The following KIRREL3 variants were observed in gnomAD, a reference collection of about 807,000 sequenced individuals.
KIRREL3 encodes kin of IRRE-like protein 3.
KIRREL3 carries 36 observed loss-of-function variants against 89.7 expected under a neutral mutation model. That is an observed-to-expected ratio of 0.40 (90% CI 0.31 to 0.53). The LOEUF is 0.53. KIRREL3 is among the 20% of genes least tolerant of loss of function. The pLI, the probability that KIRREL3 is intolerant of heterozygous loss-of-function variation, is 0.49. For synonymous variants in KIRREL3, 445 were observed against 441.4 expected (o/e 1.01, Z -0.10); for missense variants, 864 against 1,056.6 (o/e 0.82, Z 2.53).
chr11:127,000,574 G>C lies in KIRREL3; in HGVS notation c.-65C>G. 1 of 1,528,816 alleles carries C rather than the reference G, an allele frequency of 6.5e-7. No individual in the cohort carries two copies. The highest frequency in any genetic ancestry group is 8.9e-7 in the Non-Finnish European group (1 of 1,125,950). The allele number at this position is 1,528,816 out of a possible 1,614,324, so 94.7% of individuals were successfully genotyped here. ...CTGTGGTTAGTTTCTCTTCCTTGGC[G>C]GCTCTCGGTGCTCAGCCTCCGCCGG... On this transcript the variant is annotated 5_prime_UTR_variant, in exon 1 of 17. Transcript: ENST00000525144. The surrounding 1 kb of genome is among the most constrained non-coding windows in gnomAD (Gnocchi z 7.1).
Position 126,985,554 on chromosome 11 carries a change from T to G in KIRREL3, c.55+14901A>C, listed in dbSNP as rs1199148627. The stretch of plus-strand genomic sequence containing the variant: ...GGCAAAAGGAGCTGAGTCTTTAGGG[T>G]AGAAGTTATCTAGACTAACCTGGGG... On this transcript the variant is annotated intron_variant, in intron 1 of 16. Coordinates refer to ENST00000525144, the MANE Select transcript of KIRREL3 (RefSeq NM_032531.4). This position sits in a 1 kb window ranked among gnomAD's most constrained non-coding sequence, Gnocchi z 5.3. Among the ~76,000 whole-genome samples, 1 of 151,892 alleles carries G rather than the reference T, an allele frequency of 6.6e-6. No homozygotes were observed. The highest frequency in any genetic ancestry group is 6.5e-5 in the Admixed American group (1 of 15,270).
chr11:126,959,410 CCTGACTCTTA>C (rs1200205448), intron 1 of KIRREL3, among the ~76,000 whole-genome samples: 1 of 152,120 alleles, frequency 6.6e-6, no homozygotes, highest in African/African-American at 2.4e-5. Flanking sequence ...TCTGGAAACC[CCTGACTCTTA>C]TACCCCTAAA....
intron 4 of KIRREL3, among the ~76,000 whole-genome samples, chr11:126,517,651 G>T (rs1043063603): frequency 6.6e-6 from 1 of 152,130 alleles, no homozygotes; most frequent in Non-Finnish European, 1.5e-5. Flanking sequence ...TCTAAGCCTC[G>T]GTCACTGCGC....
At chr11:126,741,112 A>G (rs1398002888) in intron 1 of KIRREL3, among the ~76,000 whole-genome samples, 1 of 152,202 alleles carries the variant, frequency 6.6e-6, no homozygotes, top group Non-Finnish European at 1.5e-5. Flanking sequence ...AATTCAGGTC[A>G]AAGACAGACT....
intron 8 of KIRREL3, among the ~76,000 whole-genome samples, chr11:126,448,649 TTC>T (rs1356831797): frequency 3.9e-5 from 6 of 152,142 alleles, no homozygotes. Flanking sequence ...AAGAGCTTGC[TTC>T]TCTCTTTCTC....
intron 1 of KIRREL3, among the ~76,000 whole-genome samples, chr11:126,834,248 T>C (rs1292751356): frequency 6.6e-6 from 1 of 152,194 alleles, no homozygotes; most frequent in Non-Finnish European, 1.5e-5. Context: ...GAGGTTGTCA[T>C]AGGTCATTTG....
chr11:126,966,305 G>A (rs746668826), intron 1 of KIRREL3, among the ~76,000 whole-genome samples: 2 of 152,196 alleles, frequency 1.3e-5, no homozygotes, highest in African/African-American at 4.8e-5. Flanking sequence ...GCAGGCTGGA[G>A]ATGAAAAGAT....
At chr11:126,930,732 C>T (rs897924238) in intron 1 of KIRREL3, among the ~76,000 whole-genome samples, 5 of 152,150 alleles carry the variant, frequency 3.3e-5, no homozygotes, top group African/African-American at 1.2e-4. Context: ...CCCCCAACCC[C>T]CTCCATATCC....
chr11:126,946,361 C>T lies in KIRREL3; in HGVS notation c.55+54094G>A, dbSNP rs1948619745. 6.6e-6 allele frequency among the ~76,000 whole-genome samples: 1 copy of T among 152,160 alleles called. No individual in the cohort carries two copies. Among genetic ancestry groups the T allele is most frequent in the Non-Finnish European group, 1.5e-5 (1 of 68,036 alleles). On this transcript the variant is annotated intron_variant, in intron 1 of 16. Transcript: ENST00000525144. The surrounding 1 kb of genome is among the most constrained non-coding windows in gnomAD (Gnocchi z 4.1). Reference sequence around the variant, plus strand: ...GCCACCATACTGGGAGTTGCAAGACCTGGTTTGGTCCTCATGCATTGGATC... The same window carrying T: ...GCCACCATACTGGGAGTTGCAAGACTTGGTTTGGTCCTCATGCATTGGATC...
chr11:126,596,683 G>T (rs1942413588), intron 1 of KIRREL3, among the ~76,000 whole-genome samples: 1 of 152,194 alleles, frequency 6.6e-6, no homozygotes, highest in Admixed American at 6.5e-5. Context: ...TCTCTGTGTG[G>T]AGCTCTACAT....
rs1270410768 is a variant in KIRREL3 at position 126,723,066 on chromosome 11, C to T, written c.56-160154G>A. ...GTCTTCTGTGGCTGCACATAGTGTA[C>T]GGTAGGTATTGCGGTATTTGACACA... On this transcript the variant is annotated intron_variant, in intron 1 of 16. Transcript: ENST00000525144. The surrounding 1 kb of genome is among the most constrained non-coding windows in gnomAD (Gnocchi z 4.0). 2.6e-5 allele frequency among the ~76,000 whole-genome samples: 4 copies of T among 152,270 alleles called. No individual in the cohort carries two copies. Among genetic ancestry groups the T allele is most frequent in the South Asian group, 4.1e-4 (2 of 4,826 alleles).
intron 9 of KIRREL3, among the ~76,000 whole-genome samples, chr11:126,446,498 C>T (rs1955819841): frequency 6.6e-6 from 1 of 152,170 alleles, no homozygotes; most frequent in African/African-American, 2.4e-5. Context: ...CCTTCCCTCC[C>T]AGCACATTGG....
intron 1 of KIRREL3, among the ~76,000 whole-genome samples, chr11:126,850,544 C>T (rs1020246051): frequency 2.6e-5 from 4 of 152,210 alleles, no homozygotes; most frequent in Admixed American, 2.6e-4. Flanking sequence ...TCTTTTTTAA[C>T]ACTTTGCTTC....
chr11:126,591,809 C>G (rs1361514217), intron 1 of KIRREL3, among the ~76,000 whole-genome samples: 3 of 152,176 alleles, frequency 2.0e-5, no homozygotes, highest in Non-Finnish European at 2.9e-5. Flanking sequence ...TCTGTTTTAC[C>G]AGTAAGGAAA....
At position 126,948,562 on chromosome 11, in the gene KIRREL3, C is replaced by T. The variant is rs980544919; in HGVS notation, c.55+51893G>A. ...GAAAACTATGAGGGATTTTAGGCTT[C>T]CCAAAAAGCATAAAAAGCAGTTAAG... On this transcript the variant is annotated intron_variant, in intron 1 of 16. Transcript: ENST00000525144. The surrounding 1 kb of genome is among the most constrained non-coding windows in gnomAD (Gnocchi z 4.5). Among the ~76,000 whole-genome samples the T allele has an allele frequency of 2.6e-5, 4 of 152,146 alleles. No individual in the cohort carries two copies. Among genetic ancestry groups the T allele is most frequent in the African/African-American group, 9.7e-5 (4 of 41,424 alleles).
At position 126,459,788 on chromosome 11, in the gene KIRREL3, A is replaced by G. The variant is rs1956486553; in HGVS notation, c.743-3334T>C. 6.6e-6 allele frequency among the ~76,000 whole-genome samples: 1 copy of G among 152,054 alleles called. No individual in the cohort carries two copies. Among genetic ancestry groups the G allele is most frequent in the African/African-American group, 2.4e-5 (1 of 41,388 alleles). ...TGGAGGAGAGGGTGGGAAAAGAGAG[A>G]ATCTTCATGACTCAGTGATTTTGTA... On this transcript the variant is annotated intron_variant, in intron 6 of 16. Coordinates refer to ENST00000525144, the MANE Select transcript of KIRREL3 (RefSeq NM_032531.4). This position sits in a 1 kb window ranked among gnomAD's most constrained non-coding sequence, Gnocchi z 4.8.
rs1942929220 is a variant in KIRREL3, at chr11:126,607,289, G to A, written c.56-44377C>T. ...GCCAGAGGGGCAAGGCGAGGAAGTC[G>A]CCATAACACATTTGGTGTGGTTTTG... On this transcript the variant is annotated intron_variant, in intron 1 of 16. Coordinates refer to ENST00000525144, the MANE Select transcript of KIRREL3 (RefSeq NM_032531.4). The surrounding 1 kb of genome is among the most constrained non-coding windows in gnomAD (Gnocchi z 6.6). Among the ~76,000 whole-genome samples, 1 of 152,224 alleles carries A rather than the reference G, an allele frequency of 6.6e-6. No individual in the cohort carries two copies. Among genetic ancestry groups the A allele is most frequent in the African/African-American group, 2.4e-5 (1 of 41,468 alleles).
In KIRREL3 at chr11:126,522,512, A is replaced by C. The variant is rs1958629781; in HGVS notation, c.284-1048T>G. On this transcript the variant is annotated intron_variant, in intron 3 of 16. Transcript: ENST00000525144. This position sits in a 1 kb window ranked among gnomAD's most constrained non-coding sequence, Gnocchi z 6.0. The stretch of plus-strand genomic sequence containing the variant: ...CACTTATGAAGTGCTCAGGACGCTT[A>C]AGAATTGGGGGCCCCTTGTACCATG... 6.6e-6 allele frequency among the ~76,000 whole-genome samples: 1 copy of C among 152,240 alleles called. No homozygotes were observed. The highest frequency in any genetic ancestry group is 2.4e-5 in the African/African-American group (1 of 41,466).
intron 1 of KIRREL3, among the ~76,000 whole-genome samples, chr11:126,975,884 TTCCC>T (rs1026239322): frequency 1.2e-4 from 15 of 125,972 alleles, no homozygotes; most frequent in Non-Finnish European, 1.8e-4. Flanking sequence ...GGTTTTTCTT[TTCCC>T]TCCCTCCCTC....
Sources: allele counts gnomAD v4.1 joint callset (sites outside exome capture counted in the v4.1 genomes callset), GRCh38; gene constraint gnomAD v4.1.1; non-coding constraint Gnocchi (gnomAD v3.1); transcripts MANE v1.5; gene names NCBI Gene and HGNC (gene_info 2026-07-23, HGNC 2026-07-21).